TIMMDC1: variants seen among roughly 807,000 people sequenced by gnomAD.
TIMMDC1 encodes the protein complex I assembly factor TIMMDC1, mitochondrial.
Under a neutral mutation model 32.6 loss-of-function variants are expected in TIMMDC1, and 25 were observed. The ratio of observed to expected loss-of-function variants is 0.77; its 90% CI spans 0.56 to 1.07. The LOEUF (loss-of-function observed/expected upper bound fraction) is 1.07, where lower values mean the gene tolerates loss of function less well. TIMMDC1 is among the 50% of genes least tolerant of loss of function. TIMMDC1 has a pLI of 0.00. For synonymous variants in TIMMDC1, 130 were observed against 127.6 expected (o/e 1.02, Z -0.13); for missense variants, 329 against 349.2 (o/e 0.94, Z 0.46).
chr3:119,503,441 T>C (rs2081893335), intron 2 of TIMMDC1, 91 bp from the exon 3 acceptor site: 2 of 886,742 alleles, frequency 2.3e-6, no homozygotes, highest in Middle Eastern at 2.2e-4. Context: ...TGTACCTGAC[T>C]AATCCATAGC....
At position 119,498,717 on chromosome 3, in the gene TIMMDC1, T is replaced by G. The variant is rs376799381; in HGVS notation, c.-17T>G. ...AGTCCTGAGCGCTCAAGTTTGTCCG[T>G]AGGTCGAGAGAAGGCCATGGAGGTG... On this transcript the variant is annotated 5_prime_UTR_variant, in exon 1 of 7. Transcript: ENST00000494664. 9.9e-6 allele frequency: 16 copies of G among 1,612,786 alleles called. No homozygotes were observed. The highest frequency in any genetic ancestry group is 1.4e-5 in the Non-Finnish European group (16 of 1,179,320).
At chr3:119,502,378 T>C (rs1414252222) in intron 2 of TIMMDC1, among the ~76,000 whole-genome samples, 3 of 152,056 alleles carry the variant, frequency 2.0e-5, no homozygotes, top group African/African-American at 4.8e-5. Context: ...TATAGGCATG[T>C]GCCACCATTC....
intron 1 of TIMMDC1, among the ~76,000 whole-genome samples, chr3:119,499,839 G>C (rs921117708): frequency 2.0e-5 from 3 of 152,240 alleles, no homozygotes; most frequent in African/African-American, 7.2e-5. Context: ...TTATGCATTT[G>C]AGAGTAACAA....
At chr3:119,511,002 C>G (rs190006858) in intron 4 of TIMMDC1, among the ~76,000 whole-genome samples, 1 of 152,260 alleles carries the variant, frequency 6.6e-6, no homozygotes, top group African/African-American at 2.4e-5. Flanking sequence ...TATCCAGAGG[C>G]CTTACCAATA....
At chr3:119,507,387 A>C (rs1033963205) in intron 4 of TIMMDC1, among the ~76,000 whole-genome samples, 1 of 152,086 alleles carries the variant, frequency 6.6e-6, no homozygotes, top group Admixed American at 6.5e-5. Context: ...GTCTGTTGAT[A>C]ATGTCTTCAA....
At chr3:119,509,989 AT>A (rs1316945662) in intron 4 of TIMMDC1, among the ~76,000 whole-genome samples, 3 of 152,044 alleles carry the variant, frequency 2.0e-5, no homozygotes, top group South Asian at 2.1e-4. Context: ...GGGCCACTAG[AT>A]TTTTTTACTA....
At chr3:119,511,323 A>T (rs1179333963) in intron 4 of TIMMDC1, among the ~76,000 whole-genome samples, 1 of 149,124 alleles carries the variant, frequency 6.7e-6, no homozygotes, top group Non-Finnish European at 1.5e-5. Context: ...ACTAAAAAAT[A>T]AAAAAAATAG....
chr3:119,503,745 T>C (rs2081896790), intron 3 of TIMMDC1, 125 bp downstream of exon 3: 1 of 885,236 alleles, frequency 1.1e-6, no homozygotes, highest in African/African-American at 1.7e-5. Flanking sequence ...TGCCTTTTTT[T>C]TTTTTTCAAG....
Position 119,513,700 on chromosome 3 carries a change from A to G in TIMMDC1, c.577A>G (p.Ile193Val), listed in dbSNP as rs1309666731. Residue 193 changes from isoleucine to valine, a missense_variant, in exon 5 of 7, where the codon ATA becomes GTA. Physicochemically the swap from Ile to Val is conservative, Grantham distance 29. Coordinates refer to ENST00000494664, the MANE Select transcript of TIMMDC1 (RefSeq NM_016589.4). Reference sequence around the variant, plus strand: ...CCTGCGTGGCCTGGTGGCTGGTGGCATAATTGGAGCCTTGCTGGGGTAAGC... The same window carrying G: ...CCTGCGTGGCCTGGTGGCTGGTGGCGTAATTGGAGCCTTGCTGGGGTAAGC... ...VGLRGLVAGG[I>V]IGALLGTPVG... 1 of 1,609,048 alleles carries G rather than the reference A, an allele frequency of 6.2e-7. No individual in the cohort carries two copies. Among genetic ancestry groups the G allele is most frequent in the Non-Finnish European group, 8.5e-7 (1 of 1,178,232 alleles).
At position 119,513,664 on chromosome 3, in the gene TIMMDC1, A is replaced by G. The variant is rs1247496474; in HGVS notation, c.541A>G (p.Ile181Val). 4 of 1,613,188 alleles carry G rather than the reference A, an allele frequency of 2.5e-6. No homozygotes were observed. The highest frequency in any genetic ancestry group is 1.1e-5 in the South Asian group (1 of 91,028). ...AGCTGTCACGGGAAGTCTTTTTAGG[A>G]TAAACGTAGGCCTGCGTGGCCTGGT... ...AGAVTGSLFR[I>V]NVGLRGLVAG... The change falls in exon 5 of 7, where the codon ATA becomes GTA. Residue 181 changes from isoleucine to valine, a missense_variant. Transcript: ENST00000494664.
rs771402913 is a variant in TIMMDC1 at position 119,503,545 on chromosome 3, G to A, written c.374G>A (p.Arg125His). 9 of 1,609,798 alleles carry A rather than the reference G, an allele frequency of 5.6e-6. No homozygotes were observed. The highest frequency in any genetic ancestry group is 2.2e-5 in the East Asian group (1 of 44,836). ...AATTAACTTTAGCAATCTGCACATC[G>A]TGCTGCCACACGAGGCTTCATTCGT... ...NRFDAVQSAH[R>H]AATRGFIRYG... The change falls in exon 3 of 7, where the codon CGT (arginine) becomes CAT (histidine). Residue 125 changes from arginine (R) to histidine (H), a missense_variant. Physicochemically the swap from Arg to His is conservative, Grantham distance 29. Transcript: ENST00000494664.
At chr3:119,503,466 C>T (rs2081893772) in intron 2 of TIMMDC1, 66 bp from the exon 3 acceptor site, 8 of 1,257,406 alleles carry the variant, frequency 6.4e-6, no homozygotes, top group Middle Eastern at 3.8e-4. Context: ...ATTCCTCTAC[C>T]GCAGTTCTAG....
chr3:119,503,817 T>C, intron 3 of TIMMDC1, 137 bp from the exon 4 acceptor site: 1 of 817,352 alleles, frequency 1.2e-6, no homozygotes, highest in South Asian at 1.8e-5. Context: ...TGGAACACAT[T>C]GAAGGGGCCT....
chr3:119,518,460 T>C (rs1250269412), intron 6 of TIMMDC1, among the ~76,000 whole-genome samples: 1 of 151,044 alleles, frequency 6.6e-6, no homozygotes, highest in Non-Finnish European at 1.5e-5. Context: ...TCCAAGGACT[T>C]AAGTGCTATA....
chr3:119,499,195 G>T (rs1183546091), intron 1 of TIMMDC1, among the ~76,000 whole-genome samples: 2 of 148,120 alleles, frequency 1.4e-5, no homozygotes, highest in Non-Finnish European at 3.0e-5. Flanking sequence ...TGGGACTCAA[G>T]TGATCCTCCC....
chr3:119,514,432 T>C (rs2081973033), intron 5 of TIMMDC1, among the ~76,000 whole-genome samples: 1 of 152,224 alleles, frequency 6.6e-6, no homozygotes, highest in Non-Finnish European at 1.5e-5. Context: ...TACTCTTCCA[T>C]GAAATCATAA....
Position 119,509,177 on chromosome 3 carries a change from G to T in TIMMDC1, c.518-4464G>T, listed in dbSNP as rs544621244. Among the ~76,000 whole-genome samples, 39 of 149,170 alleles carry T rather than the reference G, an allele frequency of 2.6e-4. No homozygotes were observed. In the East Asian group the frequency reaches 7.5e-3, roughly 29 times the overall value. The stretch of plus-strand genomic sequence containing the variant: ...GCTGAGATCGCGCCACTGCACTCCA[G>T]CCTGGGCTACAGAGTGAGACTCCAT... On this transcript the variant is annotated intron_variant, in intron 4 of 6. Coordinates refer to ENST00000494664, the MANE Select transcript of TIMMDC1 (RefSeq NM_016589.4).
chr3:119,499,231 C>G (rs1362514701), intron 1 of TIMMDC1, among the ~76,000 whole-genome samples: 1 of 148,916 alleles, frequency 6.7e-6, no homozygotes, highest in Admixed American at 6.7e-5. Context: ...TTAATTGGGA[C>G]TACAGGCGCG....
At chr3:119,505,785 A>G (rs951042300) in intron 4 of TIMMDC1, among the ~76,000 whole-genome samples, 1 of 152,240 alleles carries the variant, frequency 6.6e-6, no homozygotes, top group Non-Finnish European at 1.5e-5. Flanking sequence ...ATTGTTAACA[A>G]TTCATGCTGA....
Sources: gnomAD v4.1 joint callset for allele counts (sites outside exome capture counted in the v4.1 genomes callset) on GRCh38, gnomAD v4.1.1 for gene constraint, MANE v1.5 for transcripts, NCBI Gene and HGNC (gene_info 2026-07-23, HGNC 2026-07-21) for gene names.